Variants in TOX observed in about 807,000 individuals in gnomAD.
TOX encodes the protein thymocyte selection associated high mobility group box, also known as thymocyte selection-associated high mobility group box protein TOX.
In TOX, 11 loss-of-function variants were observed where a neutral mutation model predicts 53.7. The ratio of observed to expected loss-of-function variants is 0.20; its 90% confidence interval spans 0.13 to 0.34. The LOEUF (loss-of-function observed/expected upper bound fraction) is 0.34, where lower values mean the gene tolerates loss of function less well. TOX is among the 10% of genes least tolerant of loss of function. The pLI is 1.00. For missense variants in TOX, 570 were observed against 664.6 expected, an observed-to-expected ratio of 0.86 and a Z score of 1.56; for synonymous variants, 225 against 245.3, an observed-to-expected ratio of 0.92 and a Z score of 0.77.
At chr8:58,832,629 T>C (rs186718770) in intron 5 of TOX, among the ~76,000 whole-genome samples, 1 of 152,288 alleles carries the variant, frequency 6.6e-6, no homozygotes, top group Admixed American at 6.5e-5. Context: ...TAATTCTGGC[T>C]CTTCATATCC....
At chr8:58,822,438 C>T (rs1810297340) in intron 6 of TOX, among the ~76,000 whole-genome samples, 1 of 152,222 alleles carries the variant, frequency 6.6e-6, no homozygotes, top group African/African-American at 2.4e-5. Context: ...GTGTTTGCAG[C>T]ATCCTATGTC....
intron 1 of TOX, among the ~76,000 whole-genome samples, chr8:59,005,755 C>T (rs1813780297): frequency 6.6e-6 from 1 of 152,164 alleles, no homozygotes. Flanking sequence ...GGAACTGAAA[C>T]ACAGTGTCTT....
Position 58,970,877 on chromosome 8 carries a change from C to T in TOX, c.103-10869G>A, listed in dbSNP as rs117576957. 6.2e-3 allele frequency among the ~76,000 whole-genome samples: 949 copies of T among 152,304 alleles called. 45 individuals carry two copies. In the East Asian group the frequency reaches 0.088, roughly 14 times the overall value. ...CAGTAACATTTATTCCATATTCTTT[C>T]ATTTCTAAATCAAAGTCTGTCCATG... On this transcript the variant is annotated intron_variant, in intron 1 of 8. Coordinates refer to ENST00000361421, the MANE Select transcript of TOX (RefSeq NM_014729.3).
At chr8:58,907,966 T>G (rs1459996998) in intron 3 of TOX, among the ~76,000 whole-genome samples, 1 of 152,212 alleles carries the variant, frequency 6.6e-6, no homozygotes, top group Non-Finnish European at 1.5e-5. Context: ...GGTGTACGTG[T>G]GCAGGATGTG....
chr8:58,910,647 T>C (rs1163033048), intron 3 of TOX, among the ~76,000 whole-genome samples: 3 of 152,262 alleles, frequency 2.0e-5, no homozygotes, highest in Admixed American at 1.3e-4. Context: ...AATTAAAAAG[T>C]ATGATTTGAT....
chr8:59,106,159 A>T (rs1804896301), intron 1 of TOX, among the ~76,000 whole-genome samples: 1 of 152,102 alleles, frequency 6.6e-6, no homozygotes, highest in East Asian at 1.9e-4. Flanking sequence ...AACTGTATGA[A>T]CCTTCCACCT....
At chr8:58,999,940 T>G (rs1388792568) in intron 1 of TOX, among the ~76,000 whole-genome samples, 1 of 152,204 alleles carries the variant, frequency 6.6e-6, no homozygotes, top group East Asian at 1.9e-4. Context: ...ATCTAAAACT[T>G]TAAATAATAT....
chr8:59,091,241 C>T (rs1246244048), intron 1 of TOX, among the ~76,000 whole-genome samples: 4 of 152,160 alleles, frequency 2.6e-5, no homozygotes, highest in Non-Finnish European at 5.9e-5. Flanking sequence ...ACTACCTTCA[C>T]CAAGTTGCCA....
chr8:59,067,014 T>C (rs1804104763), intron 1 of TOX, among the ~76,000 whole-genome samples: 1 of 151,814 alleles, frequency 6.6e-6, no homozygotes, highest in African/African-American at 2.4e-5. Context: ...GACATTGGGG[T>C]GGAGGAGGGG....
chr8:58,819,490 T>A (rs7821556), intron 6 of TOX, among the ~76,000 whole-genome samples: 14,568 of 152,218 alleles, frequency 0.096, 2,033 homozygotes, highest in African/African-American at 0.31. Flanking sequence ...CTGGAAGATA[T>A]TTTCTACAAG....
At chr8:58,991,963 T>G (rs935605796) in intron 1 of TOX, 1 of 152,300 alleles carries the variant, frequency 6.6e-6, no homozygotes. Flanking sequence ...TCGGCAGGGC[T>G]GACGCGTGGT....
intron 1 of TOX, among the ~76,000 whole-genome samples, chr8:59,043,036 T>G (rs552545720): frequency 3.7e-4 from 57 of 152,214 alleles, no homozygotes; most frequent in African/African-American, 1.3e-3. Context: ...CTCAAAAAAC[T>G]TATTCCTCTG....
At chr8:58,944,915 G>A (rs1812502786) in intron 2 of TOX, among the ~76,000 whole-genome samples, 3 of 152,216 alleles carry the variant, frequency 2.0e-5, no homozygotes, top group South Asian at 2.1e-4. Flanking sequence ...GTGGAGAAAA[G>A]TGTAAACCCG....
At chr8:59,075,181 A>T (rs1230557889) in intron 1 of TOX, among the ~76,000 whole-genome samples, 1 of 152,224 alleles carries the variant, frequency 6.6e-6, no homozygotes, top group African/African-American at 2.4e-5. Flanking sequence ...GGTGAAAGGG[A>T]GACAGTGGAT....
intron 1 of TOX, among the ~76,000 whole-genome samples, chr8:59,027,700 A>C (rs1814271029): frequency 6.6e-6 from 1 of 152,084 alleles, no homozygotes; most frequent in African/African-American, 2.4e-5. Flanking sequence ...CATCACTCAC[A>C]ATCTACTCAT....
At chr8:58,915,038 C>T (rs1394382133) in intron 3 of TOX, among the ~76,000 whole-genome samples, 2 of 149,306 alleles carry the variant, frequency 1.3e-5, no homozygotes, top group Non-Finnish European at 3.0e-5. Flanking sequence ...CCACACCTGG[C>T]TCAGAGGGTC....
chr8:58,897,167 C>G (rs1811662975), intron 3 of TOX, among the ~76,000 whole-genome samples: 1 of 152,122 alleles, frequency 6.6e-6, no homozygotes, highest in Admixed American at 6.5e-5. Context: ...GTTCTATAAG[C>G]AAATTCACCT....
At chr8:58,935,036 T>TA (rs1563393942) in intron 3 of TOX, among the ~76,000 whole-genome samples, 9 of 152,222 alleles carry the variant, frequency 5.9e-5, no homozygotes, top group African/African-American at 2.2e-4. Context: ...AAATTGTTGA[T>TA]GTCTAATATA....
At chr8:58,845,026 C>A (rs1343600574) in intron 4 of TOX, among the ~76,000 whole-genome samples, 1 of 151,998 alleles carries the variant, frequency 6.6e-6, no homozygotes, top group Non-Finnish European at 1.5e-5. Flanking sequence ...AAAGCATGTG[C>A]TAATGGTGTT....
Sources: gnomAD v4.1 joint callset for allele counts (sites outside exome capture counted in the v4.1 genomes callset) on GRCh38, gnomAD v4.1.1 for gene constraint, MANE v1.5 for transcripts, NCBI Gene and HGNC (gene_info 2026-07-23, HGNC 2026-07-21) for gene names.